Variants in SIPA1L2 observed in about 807,000 individuals in gnomAD.
The protein encoded by SIPA1L2 is signal-induced proliferation-associated 1-like protein 2.
Under a neutral mutation model 163.9 loss-of-function variants are expected in SIPA1L2, and 56 were observed. That is an observed-to-expected ratio of 0.34 (90% CI 0.28 to 0.43). The LOEUF is 0.43. Ranked by LOEUF, SIPA1L2 falls within the 20% of genes least tolerant of loss-of-function variation. The pLI is 1.00. For synonymous variants in SIPA1L2, 877 were observed against 865.7 expected, an observed-to-expected ratio of 1.01 and a Z score of -0.23; for missense variants, 1,974 against 2,193.5, an observed-to-expected ratio of 0.90 and a Z score of 2.00.
chr1:232,495,097 C>A (rs1288226284), intron 3 of SIPA1L2, among the ~76,000 whole-genome samples: 1 of 152,200 alleles, frequency 6.6e-6, no homozygotes, highest in Non-Finnish European at 1.5e-5. Flanking sequence ...CAAAGGAAAA[C>A]AGCACCTGAA....
rs377163827 is a variant in SIPA1L2, at chr1:232,425,538, C to T, written c.4630+51G>A. On this transcript the variant is annotated intron_variant, in intron 18 of 22. Transcript: ENST00000674635. Reference sequence around the variant, plus strand: ...AGAGCTCAATGAGGCAGGAGTTGTGCGATCAGCCCACCCTCGGCGCTGGCC... The same window carrying T: ...AGAGCTCAATGAGGCAGGAGTTGTGTGATCAGCCCACCCTCGGCGCTGGCC... 114 of 1,429,848 alleles carry T rather than the reference C, an allele frequency of 8.0e-5. 1 individual carries two copies. Among genetic ancestry groups the T allele is most frequent in the African/African-American group, 7.6e-4 (54 of 70,772 alleles). The allele number at this position is 1,429,848 out of a possible 1,614,324, so 88.6% of individuals were successfully genotyped here. A position where few individuals can be genotyped will look rare whatever the true frequency, so the allele number is the denominator to read the frequency against.
intron 1 of SIPA1L2, among the ~76,000 whole-genome samples, chr1:232,608,787 ACATACAGTGGCCAAG>A (rs1202086615): frequency 1.3e-5 from 2 of 152,240 alleles, no homozygotes; most frequent in East Asian, 3.9e-4. Flanking sequence ...AGAGGAAACC[ACATACAGTGGCCAAG>A]CAAGTGCCAG....
intron 2 of SIPA1L2, among the ~76,000 whole-genome samples, chr1:232,542,663 G>A (rs1258761533): frequency 6.6e-6 from 1 of 152,104 alleles, no homozygotes; most frequent in Non-Finnish European, 1.5e-5. Flanking sequence ...TAAGTTAAAG[G>A]AACTGAGGCC....
intron 1 of SIPA1L2, among the ~76,000 whole-genome samples, chr1:232,608,047 C>CA (rs56208215): frequency 0.01 from 685 of 67,434 alleles, 20 homozygotes; most frequent in African/African-American, 0.037. Context: ...AACTCCATCT[C>CA]AAAAAAAAAA....
chr1:232,418,530 C>A (rs1183161131), intron 18 of SIPA1L2, among the ~76,000 whole-genome samples: 1 of 152,206 alleles, frequency 6.6e-6, no homozygotes, highest in African/African-American at 2.4e-5. Flanking sequence ...GCCCACGGAG[C>A]AGGCCAGCCA....
At chr1:232,531,634 G>C (rs1656949661) in intron 2 of SIPA1L2, among the ~76,000 whole-genome samples, 1 of 152,200 alleles carries the variant, frequency 6.6e-6, no homozygotes, top group South Asian at 2.1e-4. Flanking sequence ...ATGTAATACA[G>C]AGGAACATCT....
chr1:232,481,646 C>A (rs1572963328), intron 6 of SIPA1L2, among the ~76,000 whole-genome samples: 1 of 152,054 alleles, frequency 6.6e-6, no homozygotes, highest in East Asian at 1.9e-4. Flanking sequence ...TATTTCTATT[C>A]AAAAAGGGAT....
chr1:232,526,247 G>C (rs1009179790), intron 2 of SIPA1L2, among the ~76,000 whole-genome samples: 3 of 152,132 alleles, frequency 2.0e-5, no homozygotes, highest in Non-Finnish European at 4.4e-5. Flanking sequence ...ATCCTACCAG[G>C]GACCCTGGTG....
intron 1 of SIPA1L2, among the ~76,000 whole-genome samples, chr1:232,603,183 T>G (rs1382791695): frequency 6.6e-6 from 1 of 151,984 alleles, no homozygotes; most frequent in African/African-American, 2.4e-5. Flanking sequence ...AAGAACAGAG[T>G]GCAACAGAGA....
Position 232,513,888 on chromosome 1 carries a change from G to C in SIPA1L2, c.1452C>G (p.Ala484=). The change falls in exon 3 of 23, where the codon GCC becomes GCG. Residue 484 remains alanine, a synonymous_variant. Transcript: ENST00000674635. The stretch of plus-strand genomic sequence containing the variant: ...CATAGAAGAATTTGCGGTAATAATA[G>C]GCCCCAAGGTCAATGTGTTCTATGA... ...RYIIEHIDLG[A]YYYRKFFYGK... is the part of the protein sequence containing the mutation. 6.3e-7 allele frequency: 1 copy of C among 1,590,012 alleles called. No individual in the cohort carries two copies. The highest frequency in any genetic ancestry group is 8.5e-7 in the Non-Finnish European group (1 of 1,171,214).
chr1:232,435,597 G>C (rs971479126), intron 15 of SIPA1L2, among the ~76,000 whole-genome samples: 1 of 152,178 alleles, frequency 6.6e-6, no homozygotes, highest in African/African-American at 2.4e-5. Context: ...AACGTCGTGT[G>C]TGCCATTTAC....
At chr1:232,408,721 G>A (rs1660782211) in intron 19 of SIPA1L2, among the ~76,000 whole-genome samples, 1 of 152,074 alleles carries the variant, frequency 6.6e-6, no homozygotes, top group South Asian at 2.1e-4. Context: ...TGTGGGTTTG[G>A]TGTTTTTTTG....
chr1:232,438,561 T>C (rs1201338654), intron 15 of SIPA1L2, among the ~76,000 whole-genome samples: 2 of 152,248 alleles, frequency 1.3e-5, no homozygotes, highest in African/African-American at 4.8e-5. Context: ...TAGAATCCAG[T>C]TCCTTTACAC....
At chr1:232,586,937 A>G (rs1036524122) in intron 1 of SIPA1L2, among the ~76,000 whole-genome samples, 5 of 152,220 alleles carry the variant, frequency 3.3e-5, no homozygotes, top group Admixed American at 2.0e-4. Flanking sequence ...TTTTTGGAGT[A>G]TGTCTACACA....
At chr1:232,575,257 C>T (rs937053772) in intron 1 of SIPA1L2, among the ~76,000 whole-genome samples, 1 of 152,134 alleles carries the variant, frequency 6.6e-6, no homozygotes, top group African/African-American at 2.4e-5. Context: ...CTAAAAAAGA[C>T]AAGACAAACC....
At position 232,447,560 on chromosome 1, in the gene SIPA1L2, C is replaced by T. The variant is rs137912760; in HGVS notation, c.3096-1774G>A. On this transcript the variant is annotated intron_variant, in intron 10 of 22. Coordinates refer to ENST00000674635, the MANE Select transcript of SIPA1L2 (RefSeq NM_020808.5). ...TGGCTGAACTTCAGTGGTCCCTCAC[C>T]ACTGAAGGAAGGCACCTTTCTGACA... is the stretch of plus-strand genomic sequence containing the variant. 2.9e-3 allele frequency among the ~76,000 whole-genome samples: 439 copies of T among 152,372 alleles called. 1 individual carries two copies. Among genetic ancestry groups the T allele is most frequent in the Middle Eastern group, 6.8e-3 (2 of 294 alleles).
intron 10 of SIPA1L2, among the ~76,000 whole-genome samples, chr1:232,446,939 T>C (rs925893416): frequency 2.0e-5 from 3 of 152,254 alleles, no homozygotes; most frequent in Admixed American, 6.5e-5. Flanking sequence ...TTAATTTGAC[T>C]TTAAAAACTG....
intron 1 of SIPA1L2, among the ~76,000 whole-genome samples, chr1:232,612,006 T>C (rs1662262698): frequency 6.6e-6 from 1 of 152,190 alleles, no homozygotes; most frequent in African/African-American, 2.4e-5. Context: ...CTTGGTGCCC[T>C]GTGTCCCTGT....
chr1:232,399,418 TTTTCTGATCC>T (rs1660199930), intron 22 of SIPA1L2, 145 bp from the exon 23 acceptor site: 2 of 800,720 alleles, frequency 2.5e-6, no homozygotes. Context: ...GTGAGGGGAC[TTTTCTGATCC>T]TGATTCCTGC....
Sources: allele counts gnomAD v4.1 joint callset (sites outside exome capture counted in the v4.1 genomes callset), GRCh38; gene constraint gnomAD v4.1.1; transcripts MANE v1.5; gene names NCBI Gene and HGNC (gene_info 2026-07-23, HGNC 2026-07-21).